The following SLC35E2B variants were observed in gnomAD, a reference collection of about 807,000 sequenced individuals.
SLC35E2B encodes solute carrier family 35, member E2B.
SLC35E2B carries 18 observed loss-of-function variants against 32.4 expected under a neutral mutation model. The ratio of observed to expected loss-of-function variants is 0.56; its 90% confidence interval spans 0.38 to 0.82. The LOEUF is 0.82. Among genes scored for constraint, SLC35E2B ranks in the 40% least tolerant of loss-of-function variants. SLC35E2B has a pLI of 0.00. For synonymous variants in SLC35E2B, 132 were observed against 209.1 expected (o/e 0.63, Z 3.18); for missense variants, 263 against 469.5 (o/e 0.56, Z 4.06).
chr1:1,665,059 C>T lies in SLC35E2B; in HGVS notation c.*723G>A, dbSNP rs1408647141. On this transcript the variant is annotated 3_prime_UTR_variant, in exon 10 of 10. Transcript: ENST00000617444. ...GGGTGCCCTGGGGTTGCGGGGAGCT[C>T]ACGCAGCCCAGGGTGTGGAAGGGAT... is the stretch of plus-strand genomic sequence containing the variant. The T allele has an allele frequency of 1.4e-6, 1 of 734,176 alleles. No homozygotes were observed. Among genetic ancestry groups the T allele is most frequent in the East Asian group, 1.3e-4 (1 of 7,660 alleles). 45.5% of individuals were successfully genotyped at this position (734,176 alleles called of 1,614,324 possible).
chr1:1,686,492 GAA>G (rs1409127720), intron 2 of SLC35E2B, among the ~76,000 whole-genome samples: 1 of 151,096 alleles, frequency 6.6e-6, no homozygotes. Context: ...AAATAAAAAT[GAA>G]AAAAAGAGGC....
chr1:1,679,770 T>G (rs1643884399), intron 2 of SLC35E2B, among the ~76,000 whole-genome samples: 1 of 144,844 alleles, frequency 6.9e-6, no homozygotes, highest in Non-Finnish European at 1.5e-5. Context: ...AGGCAGAGCT[T>G]GCAGTGAGCT....
intron 2 of SLC35E2B, among the ~76,000 whole-genome samples, chr1:1,687,568 C>A (rs1054786870): frequency 1.8e-4 from 27 of 152,030 alleles, no homozygotes; most frequent in African/African-American, 6.5e-4. Flanking sequence ...CCCATCTCTA[C>A]TAAAAATACA....
At chr1:1,688,239 G>A (rs1643974973) in intron 2 of SLC35E2B, among the ~76,000 whole-genome samples, 1 of 152,086 alleles carries the variant, frequency 6.6e-6, no homozygotes, top group Admixed American at 6.6e-5. Context: ...AGAATGAGAA[G>A]CCACCATCTG....
At chr1:1,672,858 C>A (rs1470525644) in intron 5 of SLC35E2B, 1 of 152,830 alleles carries the variant, frequency 6.5e-6, no homozygotes, top group African/African-American at 2.4e-5. Flanking sequence ...CCTGGCAGTT[C>A]CGTCACTCTC....
chr1:1,663,042 T>G lies in SLC35E2B; in HGVS notation c.*2740A>C, dbSNP rs1376017831. 2 of 953,922 alleles carry G rather than the reference T, an allele frequency of 2.1e-6. No individual in the cohort carries two copies. Among genetic ancestry groups the G allele is most frequent in the East Asian group, 1.1e-4 (1 of 8,758 alleles). 59.1% of individuals were successfully genotyped at this position (953,922 alleles called of 1,614,324 possible). ...TGAAGACCAGCGGCTGGAAACTGAC[T>G]TGGGCATGGAGAGGAGACTGAGGGA... is the stretch of plus-strand genomic sequence containing the variant. On this transcript the variant is annotated 3_prime_UTR_variant, in exon 10 of 10. Transcript: ENST00000617444.
rs556398891 is a variant in SLC35E2B, at chr1:1,665,574, G to C, written c.*208C>G. 1 of 733,272 alleles carries C rather than the reference G, an allele frequency of 1.4e-6. No individual in the cohort carries two copies. The highest frequency in any genetic ancestry group is 2.7e-5 in the East Asian group (1 of 36,758). 45.4% of individuals were successfully genotyped at this position (733,272 alleles called of 1,614,324 possible). Reference sequence around the variant, plus strand: ...GCTCGGCGGACACAGTCAGCTACTGGTCTGGTCTCTACTCCAGGAAGCTGA... The same window carrying C: ...GCTCGGCGGACACAGTCAGCTACTGCTCTGGTCTCTACTCCAGGAAGCTGA... On this transcript the variant is annotated 3_prime_UTR_variant, in exon 10 of 10. Transcript: ENST00000617444.
chr1:1,677,434 C>T (rs868179706), intron 2 of SLC35E2B, among the ~76,000 whole-genome samples: 29 of 151,514 alleles, frequency 1.9e-4, no homozygotes, highest in Admixed American at 1.3e-3. Flanking sequence ...TTGTGGCTGC[C>T]GCTGTCGGGT....
intron 2 of SLC35E2B, among the ~76,000 whole-genome samples, chr1:1,680,945 G>A (rs986315064): frequency 6.6e-6 from 1 of 151,832 alleles, no homozygotes; most frequent in Admixed American, 6.6e-5. Flanking sequence ...TGGGATTACA[G>A]GCGCCTGCCA....
rs28715958 is a variant in SLC35E2B at position 1,671,202 on chromosome 1, C to T, written c.707+307G>A. 800 of 191,694 alleles carry T rather than the reference C, an allele frequency of 4.2e-3. 11 individuals carry two copies. Among genetic ancestry groups the T allele is most frequent in the African/African-American group, 0.018 (766 of 43,126 alleles). 11.9% of individuals were successfully genotyped at this position (191,694 alleles called of 1,614,324 possible). On this transcript the variant is annotated intron_variant, in intron 6 of 9. Transcript: ENST00000617444. Reference sequence around the variant, plus strand: ...GGGGGACTGTCCCTGCTCTGGCAGCCGCATGAAGACACACCGAGCGAGACA... The same window carrying T: ...GGGGGACTGTCCCTGCTCTGGCAGCTGCATGAAGACACACCGAGCGAGACA...
rs144613220 is a variant in SLC35E2B, at chr1:1,687,686, G to C, written c.-148+3290C>G. On this transcript the variant is annotated intron_variant, in intron 2 of 9. Transcript: ENST00000617444. ...GGAGGCGGAGGTTGCAGTGAGCCTA[G>C]ATCGGGCCACTGCACTCCAGCCTGG... Among the ~76,000 whole-genome samples, 63 of 150,478 alleles carry C rather than the reference G, an allele frequency of 4.2e-4. No individual in the cohort carries two copies. In the East Asian group the frequency reaches 0.011, roughly 26 times the overall value.
chr1:1,675,515 G>T lies in SLC35E2B; in HGVS notation c.534C>A (p.Ser178=), dbSNP rs766999633. The change falls in exon 5 of 10, where the codon TCC becomes TCA. Residue 178 remains serine (S), a synonymous_variant. Transcript: ENST00000617444. ...ACATGATCACCGTGAAGATGGGGGC[G>T]GAGCTCTTCACCGTCTCAGCAAACG... The part of the protein sequence containing the change: ...AVSFAETVKS[S]APIFTVIMSR... 1 of 1,566,404 alleles carries T rather than the reference G, an allele frequency of 6.4e-7. No homozygotes were observed. The highest frequency in any genetic ancestry group is 1.4e-5 in the African/African-American group (1 of 72,516).
Position 1,663,655 on chromosome 1 carries a change from G to A in SLC35E2B, c.*2127C>T. On this transcript the variant is annotated 3_prime_UTR_variant, in exon 10 of 10. Coordinates refer to ENST00000617444, the MANE Select transcript of SLC35E2B (RefSeq NM_001290264.2). Reference sequence around the variant, plus strand: ...CCAGCTAATTTTTGTATTTTTGGTAGAGACAGGGTTTCATCATGTTGGCCA... The same window carrying A: ...CCAGCTAATTTTTGTATTTTTGGTAAAGACAGGGTTTCATCATGTTGGCCA... 4.3e-6 allele frequency: 1 copy of A among 231,068 alleles called. No homozygotes were observed. The highest frequency in any genetic ancestry group is 7.1e-6 in the Non-Finnish European group (1 of 141,366). 14.3% of individuals were successfully genotyped at this position (231,068 alleles called of 1,614,324 possible). A position where few individuals can be genotyped will look rare whatever the true frequency, so the allele number is the denominator to read the frequency against.
At chr1:1,670,481 G>A (rs1461412551) in intron 6 of SLC35E2B, 124 of 209,242 alleles carry the variant, frequency 5.9e-4, no homozygotes, top group Non-Finnish European at 2.8e-4. Flanking sequence ...GAGTGCAGTG[G>A]CGCAATCTCG....
In SLC35E2B at chr1:1,669,665, G is replaced by A. The variant is rs117820608; in HGVS notation, c.833C>T (p.Thr278Met). The change falls in exon 8 of 10, where the codon ACG (threonine) becomes ATG (methionine). Residue 278 changes from threonine (T) to methionine (M), a missense_variant and splice_region_variant. Thr to Met is a moderately conservative substitution (Grantham distance 81). This residue lies in a region of SLC35E2B where 8 missense variants were observed against 45.9 expected (regional missense o/e 0.17). Transcript: ENST00000617444. ...GGGACGCCTGTGTCTGAAACCCACCGTAAAGAAAACCCGGGCCGGGACGAG... is the reference window on the plus strand; with the variant it reads ...GGGACGCCTGTGTCTGAAACCCACCATAAAGAAAACCCGGGCCGGGACGAG... ...AMLVPARVFF[T>M]DVPVIGRSGK... The A allele has an allele frequency of 1.6e-3, 2,397 of 1,524,814 alleles. 60 individuals carry two copies. In the East Asian group the frequency reaches 0.047, roughly 30 times the overall value. The allele number at this position is 1,524,814 out of a possible 1,614,324, so 94.5% of individuals were successfully genotyped here. A position where few individuals can be genotyped will look rare whatever the true frequency, so the allele number is the denominator to read the frequency against.
chr1:1,666,301 G>A (rs1285129968), intron 9 of SLC35E2B, among the ~76,000 whole-genome samples: 2 of 152,154 alleles, frequency 1.3e-5, no homozygotes, highest in African/African-American at 2.4e-5. Flanking sequence ...TTTTTGAGGG[G>A]TACTTTTCAT....
In SLC35E2B at chr1:1,665,572, T is replaced by C; in HGVS notation, c.*210A>G. 1 of 714,974 alleles carries C rather than the reference T, an allele frequency of 1.4e-6. No individual in the cohort carries two copies. The highest frequency in any genetic ancestry group is 2.2e-6 in the Non-Finnish European group (1 of 444,652). The allele number at this position is 714,974 out of a possible 1,614,324, so 44.3% of individuals were successfully genotyped here. Reference sequence around the variant, plus strand: ...GGGCTCGGCGGACACAGTCAGCTACTGGTCTGGTCTCTACTCCAGGAAGCT... The same window carrying C: ...GGGCTCGGCGGACACAGTCAGCTACCGGTCTGGTCTCTACTCCAGGAAGCT... On this transcript the variant is annotated 3_prime_UTR_variant, in exon 10 of 10. Coordinates refer to ENST00000617444, the MANE Select transcript of SLC35E2B (RefSeq NM_001290264.2).
chr1:1,666,871 C>T lies in SLC35E2B; in HGVS notation c.981-852G>A, dbSNP rs186657026. On this transcript the variant is annotated intron_variant, in intron 9 of 9. Coordinates refer to ENST00000617444, the MANE Select transcript of SLC35E2B (RefSeq NM_001290264.2). ...CTGTAATCCCAGCACTGTGGGAGGC[C>T]GAGGCGGGCGGATCGCCTGAGGTCA... 3.0e-3 allele frequency among the ~76,000 whole-genome samples: 449 copies of T among 151,518 alleles called. 2 individuals are homozygous for T. Among genetic ancestry groups the T allele is most frequent in the African/African-American group, 0.01 (433 of 41,328 alleles).
chr1:1,683,416 TAC>T (rs1643916562), intron 2 of SLC35E2B, among the ~76,000 whole-genome samples: 1 of 152,116 alleles, frequency 6.6e-6, no homozygotes, highest in South Asian at 2.1e-4. Context: ...AGGACTGCCC[TAC>T]AGAACTGCAG....
Sources: gnomAD v4.1 joint callset for allele counts (sites outside exome capture counted in the v4.1 genomes callset) on GRCh38, gnomAD v4.1.1 for gene constraint, gnomAD v4.1.1 regional missense constraint, MANE v1.5 for transcripts, NCBI Gene and HGNC (gene_info 2026-07-23, HGNC 2026-07-21) for gene names.